The following SCAPER variants were observed in gnomAD, a reference collection of about 807,000 sequenced individuals.
SCAPER encodes S-phase cyclin A associated protein in the ER.
Under a neutral mutation model 182.2 loss-of-function variants are expected in SCAPER, and 98 were observed. That is an observed-to-expected ratio of 0.54 (90% CI 0.46 to 0.64). The LOEUF (loss-of-function observed/expected upper bound fraction) is 0.64, where lower values mean the gene tolerates loss of function less well. SCAPER is among the 30% of genes least tolerant of loss of function. SCAPER has a pLI of 0.00. For missense variants in SCAPER, 1,432 were observed against 1,690.0 expected (o/e 0.85, Z 2.68); for synonymous variants, 605 against 564.6 (o/e 1.07, Z -1.01).
intron 21 of SCAPER, among the ~76,000 whole-genome samples, chr15:76,647,107 C>G (rs2054611009): frequency 6.6e-6 from 1 of 152,136 alleles, no homozygotes; most frequent in Non-Finnish European, 1.5e-5. Flanking sequence ...TACTGGACAC[C>G]TACCATGTGC....
chr15:76,387,918 G>A (rs887164470), intron 27 of SCAPER, among the ~76,000 whole-genome samples: 1 of 152,156 alleles, frequency 6.6e-6, no homozygotes, highest in African/African-American at 2.4e-5. Context: ...AGCAAATTAG[G>A]TGCCTACCAG....
intron 22 of SCAPER, among the ~76,000 whole-genome samples, chr15:76,590,036 C>G (rs2048988794): frequency 6.6e-6 from 1 of 152,196 alleles, no homozygotes; most frequent in African/African-American, 2.4e-5. Flanking sequence ...TGGACTGTCT[C>G]CCAGTGGATC....
chr15:76,682,287 C>T (rs1025231393), intron 20 of SCAPER, among the ~76,000 whole-genome samples: 5 of 139,396 alleles, frequency 3.6e-5, no homozygotes, highest in South Asian at 2.6e-4. Flanking sequence ...CCACAGTGTA[C>T]GTGTGAGCAT....
At chr15:76,747,653 T>C (rs546476872) in intron 15 of SCAPER, among the ~76,000 whole-genome samples, 1 of 152,196 alleles carries the variant, frequency 6.6e-6, no homozygotes, top group African/African-American at 2.4e-5. Flanking sequence ...GCTATATTAG[T>C]TCCTGCAAAA....
chr15:76,497,447 G>A (rs1401714578), intron 24 of SCAPER, among the ~76,000 whole-genome samples: 1 of 152,030 alleles, frequency 6.6e-6, no homozygotes, highest in Non-Finnish European at 1.5e-5. Context: ...CATAGCTGAC[G>A]AGGCATGGAT....
At chr15:76,419,335 G>GA (rs71444980) in intron 26 of SCAPER, among the ~76,000 whole-genome samples, 31,200 of 92,626 alleles carry the variant, frequency 0.34, 3,873 homozygotes, top group Admixed American at 0.45. Context: ...GTCTCAAAAA[G>GA]AAAAAAAAAA....
intron 8 of SCAPER, among the ~76,000 whole-genome samples, chr15:76,792,065 G>A (rs1259638021): frequency 6.6e-6 from 1 of 150,632 alleles, no homozygotes; most frequent in East Asian, 2.0e-4. Context: ...TTAGCTGGAG[G>A]CTCTATAATC....
intron 21 of SCAPER, among the ~76,000 whole-genome samples, chr15:76,659,997 CT>C (rs2055997877): frequency 6.6e-6 from 1 of 152,124 alleles, no homozygotes; most frequent in Non-Finnish European, 1.5e-5. Context: ...ACCTAAATGC[CT>C]ATCAATGGGA....
At chr15:76,663,859 T>C (rs1032715300) in intron 21 of SCAPER, among the ~76,000 whole-genome samples, 7 of 152,124 alleles carry the variant, frequency 4.6e-5, no homozygotes, top group African/African-American at 1.7e-4. Context: ...AAATAAATCA[T>C]ACATCAATGA....
chr15:76,403,407 C>G (rs2044607415), intron 27 of SCAPER, among the ~76,000 whole-genome samples: 1 of 152,206 alleles, frequency 6.6e-6, no homozygotes, highest in African/African-American at 2.4e-5. Context: ...TCCCTGACTT[C>G]TCTAGACAGT....
intron 21 of SCAPER, among the ~76,000 whole-genome samples, chr15:76,659,297 G>T (rs1257746283): frequency 2.6e-5 from 4 of 152,018 alleles, no homozygotes; most frequent in Admixed American, 2.6e-4. Flanking sequence ...TAAAGTCAGG[G>T]TCTTGCTCTG....
chr15:76,636,651 G>C (rs1163588600), intron 21 of SCAPER, among the ~76,000 whole-genome samples: 3 of 152,144 alleles, frequency 2.0e-5, no homozygotes, highest in Admixed American at 6.6e-5. Context: ...CAGGAATACA[G>C]GCTGTTGTCT....
chr15:76,862,655 G>A (rs574537140), intron 2 of SCAPER, 122 bp from the exon 3 acceptor site: 2 of 569,758 alleles, frequency 3.5e-6, no homozygotes, highest in South Asian at 3.1e-5. Context: ...TTGGGATGTG[G>A]TGGGTGGTTA....
intron 8 of SCAPER, chr15:76,793,093 T>C (rs2065103201): frequency 1.8e-6 from 1 of 547,306 alleles, no homozygotes; most frequent in Non-Finnish European, 3.1e-6. Flanking sequence ...TTTTATACCA[T>C]TTTAGCTGGG....
chr15:76,660,946 A>C (rs1262341888), intron 21 of SCAPER, among the ~76,000 whole-genome samples: 2 of 152,178 alleles, frequency 1.3e-5, no homozygotes, highest in Non-Finnish European at 2.9e-5. Context: ...GTAAAAATGA[A>C]AACAAAATAA....
At chr15:76,823,977 A>G (rs1458675507) in intron 5 of SCAPER, among the ~76,000 whole-genome samples, 1 of 152,176 alleles carries the variant, frequency 6.6e-6, no homozygotes, top group Non-Finnish European at 1.5e-5. Context: ...TTTGTTGGCA[A>G]AGAGAAAGTA....
At chr15:76,592,063 A>G (rs774488648) in intron 22 of SCAPER, among the ~76,000 whole-genome samples, 1 of 152,106 alleles carries the variant, frequency 6.6e-6, no homozygotes, top group Admixed American at 6.5e-5. Context: ...ATGTGTCTCA[A>G]AAAATGTATA....
At chr15:76,863,358 A>G (rs1171230172) in intron 2 of SCAPER, among the ~76,000 whole-genome samples, 1 of 152,218 alleles carries the variant, frequency 6.6e-6, no homozygotes, top group East Asian at 1.9e-4. Context: ...TTGTGAAACA[A>G]GTTCACCACT....
At chr15:76,494,525 T>C (rs975113450) in intron 24 of SCAPER, among the ~76,000 whole-genome samples, 1 of 152,192 alleles carries the variant, frequency 6.6e-6, no homozygotes, top group African/African-American at 2.4e-5. Context: ...ACTCACAGTT[T>C]TTTTATATCA....
Sources: allele counts gnomAD v4.1 joint callset (sites outside exome capture counted in the v4.1 genomes callset), GRCh38; gene constraint gnomAD v4.1.1; transcripts MANE v1.5; gene names NCBI Gene and HGNC (gene_info 2026-07-23, HGNC 2026-07-21).